The following BICRA variants were observed in gnomAD, a reference collection of about 807,000 sequenced individuals.
BICRA encodes the protein BRD4-interacting chromatin-remodeling complex-associated protein.
A neutral mutation model predicts 96.9 loss-of-function variants in BICRA; 31 were observed. The ratio of observed to expected loss-of-function variants is 0.32; its 90% CI spans 0.24 to 0.43. BICRA has a LOEUF of 0.43. Ranked by LOEUF, BICRA falls within the 20% of genes least tolerant of loss-of-function variation. BICRA has a pLI of 1.00. For missense variants in BICRA, 2,283 were observed against 2,190.3 expected (o/e 1.04, Z -0.84); for synonymous variants, 1,350 against 1,071.8 (o/e 1.26, Z -5.07).
chr19:47,668,145 G>A (rs138563673), intron 1 of BICRA, among the ~76,000 whole-genome samples: 360 of 152,288 alleles, frequency 2.4e-3, no homozygotes, highest in Non-Finnish European at 4.4e-3. Context: ...TAGGAGAATC[G>A]CTTGAACCTG....
chr19:47,682,480 G>GC (rs1973080296), intron 7 of BICRA, among the ~76,000 whole-genome samples: 1 of 152,136 alleles, frequency 6.6e-6, no homozygotes, highest in Admixed American at 6.5e-5. Flanking sequence ...ATAGTGGAAA[G>GC]CCCCCGTCTC....
chr19:47,635,414 AT>A (rs879628254), intron 1 of BICRA, among the ~76,000 whole-genome samples: 94 of 146,160 alleles, frequency 6.4e-4, no homozygotes, highest in Non-Finnish European at 7.3e-4. Context: ...CATGTGGCTA[AT>A]TTTTTTTTTT....
chr19:47,619,669 G>A (rs571270375), intron 1 of BICRA, among the ~76,000 whole-genome samples: 3 of 152,144 alleles, frequency 2.0e-5, no homozygotes, highest in Non-Finnish European at 2.9e-5. Flanking sequence ...AGGGCGAGGT[G>A]GGAGGATCAC....
chr19:47,634,406 G>A (rs1972267566), intron 1 of BICRA, among the ~76,000 whole-genome samples: 1 of 152,182 alleles, frequency 6.6e-6, no homozygotes, highest in Admixed American at 6.5e-5. Flanking sequence ...GAAGGAGGCC[G>A]AGCCTTGAAA....
intron 7 of BICRA, among the ~76,000 whole-genome samples, chr19:47,692,522 G>T (rs1973256709): frequency 6.6e-6 from 1 of 152,154 alleles, no homozygotes; most frequent in African/African-American, 2.4e-5. Context: ...GAGCCACCGT[G>T]CCCGGCCGAA....
intron 7 of BICRA, among the ~76,000 whole-genome samples, chr19:47,682,827 A>C (rs1216361385): frequency 2.0e-5 from 3 of 152,088 alleles, no homozygotes; most frequent in Non-Finnish European, 4.4e-5. Flanking sequence ...GCCCGCCACC[A>C]TGCTGGGCTA....
rs1403342581 is a variant in BICRA, at chr19:47,701,448, C to T, written c.3716C>T (p.Pro1239Leu). ...SSAPGASTQP[P>L]PHLPTKLVIR... ...GCTCCCGGGGCCTCCACCCAGCCCCCTCCACACCTGCCCACCAAGCTTGTG... is the reference window on the plus strand; with the variant it reads ...GCTCCCGGGGCCTCCACCCAGCCCCTTCCACACCTGCCCACCAAGCTTGTG... The change falls in exon 15 of 15, where the codon CCT (proline) becomes CTT (leucine). Residue 1239 changes from proline (P) to leucine (L), a missense_variant. By Grantham distance (98) the Pro-to-Leu change is moderately conservative. Transcript: ENST00000594866. This position sits in a 1 kb window ranked among gnomAD's most constrained non-coding sequence, Gnocchi z 5.4. The T allele has an allele frequency of 1.3e-6, 2 of 1,570,414 alleles. No individual in the cohort carries two copies. The highest frequency in any genetic ancestry group is 1.2e-5 in the South Asian group (1 of 86,162).
intron 9 of BICRA, 102 bp from the exon 10 acceptor site, chr19:47,695,263 C>T (rs1357025801): frequency 5.2e-6 from 4 of 773,952 alleles, no homozygotes; most frequent in Non-Finnish European, 8.7e-6. Flanking sequence ...GGCCGGAGGG[C>T]CAGGAGGAGA....
At chr19:47,617,110 G>A (rs979359338) in intron 1 of BICRA, among the ~76,000 whole-genome samples, 1 of 151,666 alleles carries the variant, frequency 6.6e-6, no homozygotes, top group Admixed American at 6.6e-5. Context: ...TTACAAACAT[G>A]AGCCACCATA....
chr19:47,616,924 G>C (rs559620198), intron 1 of BICRA, among the ~76,000 whole-genome samples: 1 of 151,752 alleles, frequency 6.6e-6, no homozygotes. Flanking sequence ...CGCCTCCCAG[G>C]TTCAAGTGAT....
At position 47,698,494 on chromosome 19, in the gene BICRA, G is replaced by A; in HGVS notation, c.3249-140G>A. On this transcript the variant is annotated intron_variant, in intron 11 of 14. Transcript: ENST00000594866. The surrounding 1 kb of genome is among the most constrained non-coding windows in gnomAD (Gnocchi z 4.8). Reference sequence around the variant, plus strand: ...TGGAACAAGCACGTTCAGTACATGGGAACACCACTGCCCAAGTATTCCCCT... The same window carrying A: ...TGGAACAAGCACGTTCAGTACATGGAAACACCACTGCCCAAGTATTCCCCT... 1 of 633,448 alleles carries A rather than the reference G, an allele frequency of 1.6e-6. No homozygotes were observed. Among genetic ancestry groups the A allele is most frequent in the Non-Finnish European group, 2.9e-6 (1 of 350,724 alleles). 39.2% of individuals were successfully genotyped at this position (633,448 alleles called of 1,614,324 possible). A position where few individuals can be genotyped will look rare whatever the true frequency, so the allele number is the denominator to read the frequency against.
chr19:47,639,319 ATTTTT>A (rs35509834), intron 1 of BICRA, among the ~76,000 whole-genome samples: 67 of 52,374 alleles, frequency 1.3e-3, no homozygotes, highest in African/African-American at 5.3e-3. Context: ...CCCACCCTGC[ATTTTT>A]TTTTTTTTTT....
chr19:47,664,547 T>C (rs1452655690), intron 1 of BICRA, among the ~76,000 whole-genome samples: 1 of 152,252 alleles, frequency 6.6e-6, no homozygotes, highest in African/African-American at 2.4e-5. Flanking sequence ...CCTTTTCCTG[T>C]AAGATGTGCA....
intron 9 of BICRA, 95 bp from the exon 10 acceptor site, chr19:47,695,270 G>A (rs984763702): frequency 5.0e-5 from 39 of 775,922 alleles, no homozygotes; most frequent in Non-Finnish European, 4.3e-6. Flanking sequence ...GGGCCAGGAG[G>A]AGAGCGGTGG....
At chr19:47,648,552 A>G (rs1365246423) in intron 1 of BICRA, among the ~76,000 whole-genome samples, 5 of 151,748 alleles carry the variant, frequency 3.3e-5, no homozygotes. Flanking sequence ...GCTTGTGACT[A>G]CAGACGGCCC....
chr19:47,669,402 C>T (rs1250958466), intron 1 of BICRA, among the ~76,000 whole-genome samples: 6 of 152,006 alleles, frequency 3.9e-5, no homozygotes, highest in Non-Finnish European at 7.4e-5. Flanking sequence ...TTGTATTTTC[C>T]CCAGGAGTGG....
At chr19:47,666,625 G>A (rs1249037878) in intron 1 of BICRA, among the ~76,000 whole-genome samples, 1 of 151,802 alleles carries the variant, frequency 6.6e-6, no homozygotes, top group Non-Finnish European at 1.5e-5. Flanking sequence ...AGGCTGGAGT[G>A]TGGTGGTGCA....
chr19:47,702,504 C>G lies in BICRA; in HGVS notation c.*89C>G. ...CCCTCAGCCTCCTGGGGACTCGAGC[C>G]GGGGATCCCCTGACGGTTTTTCTTG... On this transcript the variant is annotated 3_prime_UTR_variant, in exon 15 of 15. Transcript: ENST00000594866. 6 of 1,358,950 alleles carry G rather than the reference C, an allele frequency of 4.4e-6. No individual in the cohort carries two copies. Among genetic ancestry groups the G allele is most frequent in the Non-Finnish European group, 5.7e-6 (6 of 1,057,402 alleles). 84.2% of individuals were successfully genotyped at this position (1,358,950 alleles called of 1,614,324 possible).
In BICRA at chr19:47,698,585, G is replaced by GACCC; in HGVS notation, c.3249-49_3249-48insACCC. The GACCC allele has an allele frequency of 3.6e-6, 2 of 549,046 alleles. No individual in the cohort carries two copies. Among genetic ancestry groups the GACCC allele is most frequent in the East Asian group, 3.9e-5 (1 of 25,576 alleles). The allele number at this position is 549,046 out of a possible 1,614,324, so 34.0% of individuals were successfully genotyped here. A position where few individuals can be genotyped will look rare whatever the true frequency, so the allele number is the denominator to read the frequency against. On this transcript the variant is annotated intron_variant, in intron 11 of 14. Transcript: ENST00000594866. The surrounding 1 kb of genome is among the most constrained non-coding windows in gnomAD (Gnocchi z 4.8). ...CAGGGACTTCCCCTGGCCCTCACCC[G>GACCC]TCCCCCCCACCCTCCGCCGTGTGTG...
Sources: gnomAD v4.1 joint callset for allele counts (sites outside exome capture counted in the v4.1 genomes callset) on GRCh38, gnomAD v4.1.1 for gene constraint, Gnocchi (gnomAD v3.1) non-coding constraint, MANE v1.5 for transcripts, NCBI Gene and HGNC (gene_info 2026-07-23, HGNC 2026-07-21) for gene names.